CACNA2D1: variants seen among roughly 807,000 people sequenced by gnomAD.
CACNA2D1 encodes the protein voltage-dependent calcium channel subunit alpha-2/delta-1.
CACNA2D1 carries 53 observed loss-of-function variants against 171.5 expected under a neutral mutation model. The observed-to-expected ratio is 0.31, with a 90% CI of 0.25 to 0.39. The LOEUF is 0.39. Ranked by LOEUF, CACNA2D1 falls within the 10% of genes least tolerant of loss-of-function variation. The pLI, the probability that CACNA2D1 is intolerant of heterozygous loss-of-function variation, is 1.00. For missense variants in CACNA2D1, 903 were observed against 1,299.8 expected (o/e 0.69, Z 4.69); for synonymous variants, 442 against 443.1 (o/e 1.00, Z 0.03).
At chr7:82,055,022 T>C (rs1053388703) in intron 10 of CACNA2D1, among the ~76,000 whole-genome samples, 1 of 152,318 alleles carries the variant, frequency 6.6e-6, no homozygotes. Flanking sequence ...AATTAAAAGA[T>C]TCTCATTTCC....
intron 38 of CACNA2D1, among the ~76,000 whole-genome samples, chr7:81,957,529 G>A (rs577334635): frequency 2.0e-5 from 3 of 152,024 alleles, no homozygotes; most frequent in East Asian, 1.9e-4. Context: ...GGCACGACTC[G>A]TTGTGCACTT....
At chr7:82,185,151 A>T (rs1797533508) in intron 3 of CACNA2D1, among the ~76,000 whole-genome samples, 1 of 152,136 alleles carries the variant, frequency 6.6e-6, no homozygotes, top group South Asian at 2.1e-4. Context: ...TACATACAGT[A>T]GAGCATACCT....
At chr7:81,978,753 G>GTGCGTGTATATA (rs145105210) in intron 24 of CACNA2D1, among the ~76,000 whole-genome samples, 2 of 139,478 alleles carry the variant, frequency 1.4e-5, no homozygotes, top group South Asian at 4.5e-4. Context: ...TTTAAAAAGT[G>GTGCGTGTATATA]TATATATATA....
intron 1 of CACNA2D1, among the ~76,000 whole-genome samples, chr7:82,421,777 G>A (rs1248674609): frequency 6.6e-6 from 1 of 152,074 alleles, no homozygotes; most frequent in Non-Finnish European, 1.5e-5. Context: ...CCATCTCATT[G>A]CAAATGAGGA....
At chr7:82,025,736 T>C (rs1193033446) in intron 12 of CACNA2D1, among the ~76,000 whole-genome samples, 1 of 151,748 alleles carries the variant, frequency 6.6e-6, no homozygotes, top group Non-Finnish European at 1.5e-5. Context: ...ATGTTCCATA[T>C]GCACTTGAGA....
chr7:82,306,886 A>C (rs899651938), intron 3 of CACNA2D1, among the ~76,000 whole-genome samples: 3 of 152,150 alleles, frequency 2.0e-5, no homozygotes, highest in African/African-American at 7.2e-5. Context: ...ACAAAAAAAA[A>C]AAAAAAATAG....
intron 23 of CACNA2D1, 61 bp from the exon 24 acceptor site, chr7:81,982,688 T>C (rs1427950762): frequency 9.8e-7 from 1 of 1,022,830 alleles, no homozygotes; most frequent in Non-Finnish European, 1.6e-6. Context: ...AGAGATTCTA[T>C]AACAATAAGA....
At chr7:81,983,463 C>A (rs538273663) in intron 22 of CACNA2D1, 129 bp from the exon 23 acceptor site, 2 of 732,128 alleles carry the variant, frequency 2.7e-6, no homozygotes, top group East Asian at 2.7e-5. Flanking sequence ...ATCAAAGGTT[C>A]ATTTATGTAC....
At chr7:81,970,362 G>A (rs538902871) in intron 27 of CACNA2D1, among the ~76,000 whole-genome samples, 30 of 151,444 alleles carry the variant, frequency 2.0e-4, no homozygotes, top group African/African-American at 7.2e-4. Context: ...CATAAATATT[G>A]CTGATTGGTT....
intron 3 of CACNA2D1, among the ~76,000 whole-genome samples, chr7:82,178,031 C>T (rs531044054): frequency 4.0e-4 from 61 of 152,056 alleles, no homozygotes; most frequent in Non-Finnish European, 6.6e-4. Context: ...ATAAAAATCT[C>T]ATAATACAAA....
At chr7:82,118,383 GT>G (rs1368441043) in intron 5 of CACNA2D1, among the ~76,000 whole-genome samples, 1 of 152,078 alleles carries the variant, frequency 6.6e-6, no homozygotes, top group African/African-American at 2.4e-5. Flanking sequence ...ATGATATGAA[GT>G]TTAAAAATTA....
intron 3 of CACNA2D1, among the ~76,000 whole-genome samples, chr7:82,249,521 G>T (rs1805373188): frequency 6.6e-6 from 1 of 152,114 alleles, no homozygotes; most frequent in African/African-American, 2.4e-5. Flanking sequence ...ACATTTCCTT[G>T]GTTCTTAACT....
chr7:82,165,567 T>C (rs975068286), intron 4 of CACNA2D1, among the ~76,000 whole-genome samples: 1 of 152,072 alleles, frequency 6.6e-6, no homozygotes, highest in African/African-American at 2.4e-5. Flanking sequence ...GCTGGTGTTG[T>C]AATACTCTTA....
At chr7:82,185,488 G>A (rs1445270588) in intron 3 of CACNA2D1, among the ~76,000 whole-genome samples, 1 of 18,042 alleles carries the variant, frequency 5.5e-5, no homozygotes, top group African/African-American at 1.8e-4. Context: ...AGGGGGAGGA[G>A]GAGGGGGAGG....
chr7:81,950,845 A>T (rs1792434258), intron 38 of CACNA2D1, among the ~76,000 whole-genome samples: 2 of 152,106 alleles, frequency 1.3e-5, no homozygotes, highest in South Asian at 4.1e-4. Flanking sequence ...GCAAGAAATA[A>T]ATGTAAAATT....
rs149574265 is a variant in CACNA2D1 at position 82,180,850 on chromosome 7, T to C, written c.295-10241A>G. On this transcript the variant is annotated intron_variant, in intron 3 of 38. Coordinates refer to ENST00000356860, the MANE Select transcript of CACNA2D1 (RefSeq NM_000722.4). ...TGGGGGGAAGAGGGACAGAGAGAAA[T>C]AGAGACAGAGACAGGCAGAGACAGT... Among the ~76,000 whole-genome samples the C allele has an allele frequency of 4.6e-3, 698 of 151,328 alleles. 4 individuals carry two copies. The highest frequency in any genetic ancestry group is 0.015 in the African/African-American group (627 of 41,204).
At chr7:82,362,405 G>A (rs758395972) in intron 1 of CACNA2D1, among the ~76,000 whole-genome samples, 1 of 152,064 alleles carries the variant, frequency 6.6e-6, no homozygotes, top group Admixed American at 6.6e-5. Context: ...CCTCCCACAG[G>A]CCTGACAACC....
intron 12 of CACNA2D1, among the ~76,000 whole-genome samples, chr7:82,022,803 C>T (rs1193814049): frequency 1.3e-5 from 2 of 151,842 alleles, no homozygotes; most frequent in Non-Finnish European, 2.9e-5. Context: ...ATAATGCATT[C>T]TCAAAAATGG....
In CACNA2D1 at chr7:82,128,817, C is replaced by T. The variant is rs1355277726; in HGVS notation, c.396+7818G>A. 2.6e-5 allele frequency among the ~76,000 whole-genome samples: 4 copies of T among 151,964 alleles called. No individual in the cohort carries two copies. In the East Asian group the frequency reaches 7.7e-4, roughly 29 times the overall value. ...CATCTCTACTCATATCCCATACTCC[C>T]CTCCCCTGCCCCCACGTTCCCCTGA... On this transcript the variant is annotated intron_variant, in intron 5 of 38. Coordinates refer to ENST00000356860, the MANE Select transcript of CACNA2D1 (RefSeq NM_000722.4).
Sources: allele counts gnomAD v4.1 joint callset (sites outside exome capture counted in the v4.1 genomes callset), GRCh38; gene constraint gnomAD v4.1.1; transcripts MANE v1.5; gene names NCBI Gene and HGNC (gene_info 2026-07-23, HGNC 2026-07-21).